Variants in MGMT observed in about 807,000 individuals in gnomAD.
The protein encoded by MGMT is methylated-DNA--protein-cysteine methyltransferase.
Under a neutral mutation model 15.9 loss-of-function variants are expected in MGMT, and 14 were observed. The ratio of observed to expected loss-of-function variants is 0.88; its 90% CI spans 0.58 to 1.37. The LOEUF is 1.37. MGMT is among the 40% of genes most tolerant of loss of function. The pLI is 0.00. For missense variants in MGMT, 282 were observed against 268.1 expected (o/e 1.05, Z -0.36); for synonymous variants, 130 against 118.2 (o/e 1.10, Z -0.65).
At chr10:129,727,002 GAGTC>G (rs1049115756) in intron 3 of MGMT, among the ~76,000 whole-genome samples, 1 of 152,208 alleles carries the variant, frequency 6.6e-6, no homozygotes, top group Non-Finnish European at 1.5e-5. Context: ...GGTATTACTA[GAGTC>G]AGTCAGTGAA....
At chr10:129,499,297 T>C (rs1464276131) in intron 1 of MGMT, among the ~76,000 whole-genome samples, 1 of 152,238 alleles carries the variant, frequency 6.6e-6, no homozygotes, top group Non-Finnish European at 1.5e-5. Flanking sequence ...TGGACTCAAA[T>C]AGAAAATGAA....
At chr10:129,762,327 C>T (rs1194781632) in intron 4 of MGMT, among the ~76,000 whole-genome samples, 1 of 152,226 alleles carries the variant, frequency 6.6e-6, no homozygotes, top group Non-Finnish European at 1.5e-5. Flanking sequence ...CCTTAGGTGG[C>T]TTGCAATAAA....
intron 3 of MGMT, among the ~76,000 whole-genome samples, chr10:129,734,357 T>C (rs1442150874): frequency 3.5e-5 from 5 of 142,750 alleles, no homozygotes; most frequent in Admixed American, 1.5e-4. Context: ...TTTGGCTCTC[T>C]GTTTGTCTGT....
At chr10:129,723,408 A>G (rs1023840282) in intron 3 of MGMT, among the ~76,000 whole-genome samples, 5 of 152,300 alleles carry the variant, frequency 3.3e-5, no homozygotes, top group African/African-American at 1.2e-4. Context: ...CACCATACAC[A>G]AAAATTAATC....
intron 1 of MGMT, among the ~76,000 whole-genome samples, chr10:129,529,550 G>A (rs1187930059): frequency 6.6e-6 from 1 of 152,130 alleles, no homozygotes; most frequent in Non-Finnish European, 1.5e-5. Context: ...GCCACGGACT[G>A]GACCCCTGGT....
rs547490860 is a variant in MGMT at position 129,513,447 on chromosome 10, G to A, written c.-12-22794G>A. 4.6e-5 allele frequency among the ~76,000 whole-genome samples: 7 copies of A among 152,254 alleles called. No individual in the cohort carries two copies. In the South Asian group the frequency reaches 1.0e-3, roughly 23 times the overall value. ...TTTAAACAAAAGGAGTGTCTGGGAC[G>A]TTACCTCTGACACACCTGGTTATTT... On this transcript the variant is annotated intron_variant, in intron 1 of 4. Coordinates refer to ENST00000651593, the MANE Select transcript of MGMT (RefSeq NM_002412.5).
rs910397394 is a variant in MGMT at position 129,556,849 on chromosome 10, G to T, written c.125+20472G>T. On this transcript the variant is annotated intron_variant, in intron 2 of 4. Transcript: ENST00000651593. The surrounding 1 kb of genome is among the most constrained non-coding windows in gnomAD (Gnocchi z 4.3). ...TTTCACAACTTGTTTCTGTTCTGTC[G>T]TAGGGCTAGTGAGACCAGCTTTCCC... is the stretch of plus-strand genomic sequence containing the variant. Among the ~76,000 whole-genome samples the T allele has an allele frequency of 2.0e-5, 3 of 152,146 alleles. No homozygotes were observed. The highest frequency in any genetic ancestry group is 2.9e-5 in the Non-Finnish European group (2 of 68,038).
chr10:129,503,993 A>C (rs148431927), intron 1 of MGMT, among the ~76,000 whole-genome samples: 4 of 152,220 alleles, frequency 2.6e-5, no homozygotes, highest in African/African-American at 9.6e-5. Flanking sequence ...GATGGTTTCA[A>C]CAGTATCAGA....
intron 2 of MGMT, among the ~76,000 whole-genome samples, chr10:129,638,819 C>T (rs12765218): frequency 0.054 from 8,288 of 152,098 alleles, 321 homozygotes; most frequent in Middle Eastern, 0.082. Flanking sequence ...TCCAAATATA[C>T]GCCACTCAAA....
chr10:129,552,795 G>A (rs567831797), intron 2 of MGMT, among the ~76,000 whole-genome samples: 36 of 152,366 alleles, frequency 2.4e-4, no homozygotes, highest in African/African-American at 7.9e-4. Flanking sequence ...TCAAGGGCAC[G>A]GAAGTGCAAG....
intron 2 of MGMT, among the ~76,000 whole-genome samples, chr10:129,682,918 G>T (rs1232605123): frequency 2.0e-5 from 3 of 152,192 alleles, no homozygotes; most frequent in Admixed American, 2.0e-4. Flanking sequence ...GCGCAGTCTT[G>T]GCTCATTGCA....
At chr10:129,724,809 A>C (rs970399843) in intron 3 of MGMT, among the ~76,000 whole-genome samples, 9 of 152,198 alleles carry the variant, frequency 5.9e-5, no homozygotes, top group Admixed American at 5.9e-4. Context: ...TTTTCATAAT[A>C]TGTTGGAGGA....
chr10:129,671,861 C>T lies in MGMT; in HGVS notation c.126-36034C>T, dbSNP rs1005435297. Among the ~76,000 whole-genome samples the T allele has an allele frequency of 5.3e-5, 8 of 152,272 alleles. No individual in the cohort carries two copies. The East Asian group carries it at 1.4e-3, about 26-fold the overall frequency. ...GAACTGTGTGTTCACCAGTTGCAAC[C>T]TCAGATTGGCTATGGACATGAGTTT... On this transcript the variant is annotated intron_variant, in intron 2 of 4. Coordinates refer to ENST00000651593, the MANE Select transcript of MGMT (RefSeq NM_002412.5).
intron 1 of MGMT, among the ~76,000 whole-genome samples, chr10:129,480,220 T>C (rs1465029152): frequency 1.3e-5 from 2 of 152,198 alleles, no homozygotes; most frequent in Non-Finnish European, 2.9e-5. Flanking sequence ...GAATAGTGTT[T>C]TAACAGCTTC....
At chr10:129,478,437 C>T (rs1282316338) in intron 1 of MGMT, among the ~76,000 whole-genome samples, 1 of 152,162 alleles carries the variant, frequency 6.6e-6, no homozygotes, top group Non-Finnish European at 1.5e-5. Context: ...TGCTGAAAGC[C>T]CCGCTGGCCC....
At chr10:129,631,745 G>T (rs1307061380) in intron 2 of MGMT, among the ~76,000 whole-genome samples, 1 of 152,172 alleles carries the variant, frequency 6.6e-6, no homozygotes, top group African/African-American at 2.4e-5. Context: ...AATCTCTTGA[G>T]CCTGGGAGTT....
At chr10:129,502,992 C>T (rs1322330013) in intron 1 of MGMT, among the ~76,000 whole-genome samples, 1 of 152,084 alleles carries the variant, frequency 6.6e-6, no homozygotes, top group African/African-American at 2.4e-5. Context: ...AATATGAATA[C>T]AGATATTTAG....
At chr10:129,721,972 G>T (rs909358389) in intron 3 of MGMT, among the ~76,000 whole-genome samples, 1 of 151,882 alleles carries the variant, frequency 6.6e-6, no homozygotes, top group Non-Finnish European at 1.5e-5. Flanking sequence ...AAAAGACATA[G>T]ATTAGTAGAC....
At chr10:129,763,074 G>A (rs538697053) in intron 4 of MGMT, among the ~76,000 whole-genome samples, 1 of 152,216 alleles carries the variant, frequency 6.6e-6, no homozygotes, top group Admixed American at 6.5e-5. Context: ...TGTTATTTTT[G>A]TTGGAAACAA....
Sources: gnomAD v4.1 joint callset for allele counts (sites outside exome capture counted in the v4.1 genomes callset) on GRCh38, gnomAD v4.1.1 for gene constraint, Gnocchi (gnomAD v3.1) non-coding constraint, MANE v1.5 for transcripts, NCBI Gene and HGNC (gene_info 2026-07-23, HGNC 2026-07-21) for gene names.